The following SLC4A10 variants were observed in gnomAD, a reference collection of about 807,000 sequenced individuals.
The protein encoded by SLC4A10 is solute carrier family 4 member 10, also known as sodium-driven chloride bicarbonate exchanger.
A neutral mutation model predicts 137.7 loss-of-function variants in SLC4A10; 42 were observed. The observed-to-expected ratio is 0.30, with a 90% CI of 0.24 to 0.39. SLC4A10 has a LOEUF of 0.39. SLC4A10 is among the 10% of genes least tolerant of loss of function. The pLI is 1.00. For synonymous variants in SLC4A10, 474 were observed against 464.1 expected, an observed-to-expected ratio of 1.02 and a Z score of -0.27; for missense variants, 925 against 1,355.0, an observed-to-expected ratio of 0.68 and a Z score of 4.98.
chr2:161,734,911 G>A (rs2047181932), intron 1 of SLC4A10, among the ~76,000 whole-genome samples: 1 of 151,994 alleles, frequency 6.6e-6, no homozygotes, highest in Non-Finnish European at 1.5e-5. Context: ...CTCTTCTCAT[G>A]ATAGTGAGGG....
intron 10 of SLC4A10, among the ~76,000 whole-genome samples, chr2:161,890,314 C>T (rs2062778771): frequency 6.6e-6 from 1 of 151,980 alleles, no homozygotes; most frequent in Admixed American, 6.6e-5. Flanking sequence ...CTGCTTGGTC[C>T]AGAGCTGAGT....
chr2:161,691,765 C>CCTTTGTTCCTCTG (rs1048882694), intron 1 of SLC4A10, among the ~76,000 whole-genome samples: 4 of 152,086 alleles, frequency 2.6e-5, no homozygotes, highest in African/African-American at 9.7e-5. Flanking sequence ...GGAAACAAGT[C>CCTTTGTTCCTCTG]TTCCATTCCT....
intron 1 of SLC4A10, among the ~76,000 whole-genome samples, chr2:161,746,939 C>T (rs563178171): frequency 6.6e-6 from 1 of 152,242 alleles, no homozygotes; most frequent in African/African-American, 2.4e-5. Flanking sequence ...TTTGCTGTAG[C>T]TGAGCTGGTA....
chr2:161,982,289 T>C (rs1463525248), intron 26 of SLC4A10, among the ~76,000 whole-genome samples: 2 of 152,152 alleles, frequency 1.3e-5, no homozygotes, highest in Non-Finnish European at 2.9e-5. Context: ...GCTGCAAGTA[T>C]CAGGGAGAAA....
chr2:161,912,519 C>T (rs1482477055), intron 15 of SLC4A10, among the ~76,000 whole-genome samples: 2 of 152,060 alleles, frequency 1.3e-5, no homozygotes, highest in African/African-American at 4.8e-5. Context: ...TATTAAAATA[C>T]CTCACCACAG....
At chr2:161,702,461 A>G (rs577630670) in intron 1 of SLC4A10, among the ~76,000 whole-genome samples, 15 of 152,008 alleles carry the variant, frequency 9.9e-5, no homozygotes, top group African/African-American at 3.6e-4. Context: ...CTTGGAGAGA[A>G]TAAGTTGACA....
chr2:161,920,808 T>C (rs1380489051), intron 15 of SLC4A10, among the ~76,000 whole-genome samples: 1 of 152,214 alleles, frequency 6.6e-6, no homozygotes, highest in Non-Finnish European at 1.5e-5. Context: ...TACTGTTCTG[T>C]TCATACATGT....
intron 15 of SLC4A10, among the ~76,000 whole-genome samples, chr2:161,920,612 A>G (rs1238508441): frequency 1.3e-5 from 2 of 152,210 alleles, no homozygotes; most frequent in African/African-American, 4.8e-5. Context: ...ATTTCTTTCT[A>G]AAGATGAATT....
At chr2:161,855,623 A>G (rs970980621) in intron 5 of SLC4A10, among the ~76,000 whole-genome samples, 9 of 152,278 alleles carry the variant, frequency 5.9e-5, no homozygotes, top group African/African-American at 1.2e-4. Flanking sequence ...TTGTAATTCA[A>G]TACTATAAAC....
intron 1 of SLC4A10, among the ~76,000 whole-genome samples, chr2:161,660,619 T>C (rs78142254): frequency 1.9e-4 from 27 of 140,294 alleles, no homozygotes; most frequent in South Asian, 1.1e-3. Context: ...TTTCTTTCTT[T>C]CTTTCTTCCT....
At chr2:161,642,673 G>A (rs947620216) in intron 1 of SLC4A10, among the ~76,000 whole-genome samples, 10 of 152,014 alleles carry the variant, frequency 6.6e-5, no homozygotes, top group Non-Finnish European at 7.4e-5. Context: ...TGGCTTTCCC[G>A]TCTTTTAAGA....
chr2:161,625,682 G>A (rs1463945205), intron 1 of SLC4A10, among the ~76,000 whole-genome samples: 1 of 152,058 alleles, frequency 6.6e-6, no homozygotes, highest in Non-Finnish European at 1.5e-5. Flanking sequence ...TATTTTCAGG[G>A]CCTTACCTCT....
intron 1 of SLC4A10, among the ~76,000 whole-genome samples, chr2:161,751,132 A>G (rs1224570172): frequency 6.6e-6 from 1 of 151,772 alleles, no homozygotes; most frequent in Non-Finnish European, 1.5e-5. Flanking sequence ...TTTCTTGTAG[A>G]CAGCATGCGG....
intron 15 of SLC4A10, among the ~76,000 whole-genome samples, chr2:161,929,965 A>G (rs1320605888): frequency 6.6e-6 from 1 of 152,188 alleles, no homozygotes; most frequent in Non-Finnish European, 1.5e-5. Flanking sequence ...TTGTTATCTA[A>G]GTATAATTTG....
intron 1 of SLC4A10, among the ~76,000 whole-genome samples, chr2:161,763,099 C>CCT (rs1208640027): frequency 6.6e-6 from 1 of 151,572 alleles, no homozygotes; most frequent in Non-Finnish European, 1.5e-5. Context: ...ATTTTTATAC[C>CCT]CTCTTTTTTA....
intron 10 of SLC4A10, among the ~76,000 whole-genome samples, chr2:161,894,147 G>T (rs2063205988): frequency 6.6e-6 from 1 of 151,944 alleles, no homozygotes; most frequent in African/African-American, 2.4e-5. Flanking sequence ...ATAGATTTTG[G>T]TATCTGCAGG....
At chr2:161,799,484 T>G (rs1408105357) in intron 2 of SLC4A10, among the ~76,000 whole-genome samples, 1 of 151,952 alleles carries the variant, frequency 6.6e-6, no homozygotes, top group Non-Finnish European at 1.5e-5. Flanking sequence ...AGGCCAGTGT[T>G]ATAATGTTAG....
chr2:161,734,490 A>T (rs906773643), intron 1 of SLC4A10, among the ~76,000 whole-genome samples: 3 of 152,058 alleles, frequency 2.0e-5, no homozygotes, highest in South Asian at 2.1e-4. Flanking sequence ...TGGATATGTA[A>T]GTCCAATGAA....
chr2:161,670,301 CT>C (rs554834566), intron 1 of SLC4A10, among the ~76,000 whole-genome samples: 21 of 146,410 alleles, frequency 1.4e-4, no homozygotes, highest in African/African-American at 3.7e-4. Context: ...CTTTCATCTT[CT>C]TTTTTTTTTT....
Sources: gnomAD v4.1 joint callset for allele counts (sites outside exome capture counted in the v4.1 genomes callset) on GRCh38, gnomAD v4.1.1 for gene constraint, MANE v1.5 for transcripts, NCBI Gene and HGNC (gene_info 2026-07-23, HGNC 2026-07-21) for gene names.